SDCCAG8: variants seen among roughly 807,000 people sequenced by gnomAD.
The protein encoded by SDCCAG8 is SHH signaling and ciliogenesis regulator SDCCAG8, also known as serologically defined colon cancer antigen 8.
SDCCAG8 carries 74 observed loss-of-function variants against 101.8 expected under a neutral mutation model. The observed-to-expected ratio is 0.73, with a 90% CI of 0.60 to 0.88. The LOEUF is 0.88. SDCCAG8 is among the 40% of genes least tolerant of loss of function. The pLI, the probability that SDCCAG8 is intolerant of heterozygous loss-of-function variation, is 0.00. For synonymous variants in SDCCAG8, 281 were observed against 292.9 expected (o/e 0.96, Z 0.41); for missense variants, 787 against 822.6 (o/e 0.96, Z 0.53).
chr1:243,371,908 AACTAAATTCTTTATTTTAATTAGC>A (rs1368376349), intron 12 of SDCCAG8, among the ~76,000 whole-genome samples: 1 of 152,170 alleles, frequency 6.6e-6, no homozygotes, highest in Non-Finnish European at 1.5e-5. Context: ...GCAAGTAAGG[AACTAAATTCTTTATTTTAATTAGC>A]TTAAATTTAA....
At chr1:243,435,693 A>T (rs2082081845) in intron 16 of SDCCAG8, among the ~76,000 whole-genome samples, 1 of 152,050 alleles carries the variant, frequency 6.6e-6, no homozygotes, top group Admixed American at 6.6e-5. Context: ...TTGGACCACG[A>T]CTTGGGATAT....
intron 13 of SDCCAG8, among the ~76,000 whole-genome samples, chr1:243,408,247 C>G (rs1034640422): frequency 2.0e-5 from 3 of 152,194 alleles, no homozygotes; most frequent in Non-Finnish European, 4.4e-5. Context: ...GTACCAGGCA[C>G]TATTCCAGAT....
chr1:243,447,646 A>T (rs2083032860), intron 16 of SDCCAG8, among the ~76,000 whole-genome samples: 1 of 152,228 alleles, frequency 6.6e-6, no homozygotes, highest in Non-Finnish European at 1.5e-5. Context: ...TTTGAAAAAA[A>T]GGTTTGCATG....
rs749408405 is a variant in SDCCAG8, at chr1:243,293,426, T to C, written c.675+207T>C. ...CTTTTTGATCATCTCAAACAAAAAG[T>C]CTGGACGTATTAAACAATATCTCCA... On this transcript the variant is annotated intron_variant, in intron 6 of 17. Transcript: ENST00000366541. 1.3e-5 allele frequency: 9 copies of C among 691,136 alleles called. No individual in the cohort carries two copies. The East Asian group carries it at 2.6e-4, about 20-fold the overall frequency. The allele number at this position is 691,136 out of a possible 1,614,324, so 42.8% of individuals were successfully genotyped here. A position where few individuals can be genotyped will look rare whatever the true frequency, so the allele number is the denominator to read the frequency against.
intron 17 of SDCCAG8, among the ~76,000 whole-genome samples, chr1:243,491,265 C>T (rs1044604159): frequency 4.6e-5 from 7 of 152,144 alleles, no homozygotes; most frequent in Non-Finnish European, 7.4e-5. Context: ...TTTCACAAAA[C>T]GCATTAAAAA....
intron 12 of SDCCAG8, among the ~76,000 whole-genome samples, chr1:243,367,624 G>T (rs1279251706): frequency 6.6e-6 from 1 of 151,850 alleles, no homozygotes; most frequent in African/African-American, 2.4e-5. Context: ...GGGAAGAAAG[G>T]AAGGAGTCCC....
chr1:243,432,433 G>A (rs1049290454), intron 16 of SDCCAG8, among the ~76,000 whole-genome samples: 2 of 152,036 alleles, frequency 1.3e-5, no homozygotes, highest in African/African-American at 2.4e-5. Context: ...ATGGGTACTC[G>A]GCTTAATACT....
chr1:243,304,522 C>A (rs1477306157), intron 6 of SDCCAG8, among the ~76,000 whole-genome samples, 191 bp from the exon 7 acceptor site: 1 of 152,062 alleles, frequency 6.6e-6, no homozygotes, highest in African/African-American at 2.4e-5. Flanking sequence ...TATGACTCAG[C>A]GGTTCTTTGC....
intron 16 of SDCCAG8, among the ~76,000 whole-genome samples, chr1:243,452,888 A>T (rs902144540): frequency 6.6e-6 from 1 of 152,226 alleles, no homozygotes; most frequent in African/African-American, 2.4e-5. Flanking sequence ...ATCCTTTAGC[A>T]GCCTCTCAAA....
chr1:243,495,799 T>C (rs369790228), intron 17 of SDCCAG8, among the ~76,000 whole-genome samples: 4 of 152,290 alleles, frequency 2.6e-5, no homozygotes, highest in East Asian at 3.9e-4. Context: ...AGAGCTCACG[T>C]GGCTTATTTC....
intron 13 of SDCCAG8, among the ~76,000 whole-genome samples, chr1:243,402,904 A>C (rs1430723659): frequency 6.6e-6 from 1 of 152,220 alleles, no homozygotes; most frequent in Non-Finnish European, 1.5e-5. Flanking sequence ...AGAGGAAGCT[A>C]CCACTTACTG....
At chr1:243,489,494 G>C (rs947900933) in intron 17 of SDCCAG8, among the ~76,000 whole-genome samples, 73 of 152,326 alleles carry the variant, frequency 4.8e-4, no homozygotes, top group African/African-American at 1.6e-3. Context: ...TGGTGGCCTT[G>C]AGCTGCCTCT....
chr1:243,268,649 A>G (rs1380280100), intron 1 of SDCCAG8, among the ~76,000 whole-genome samples: 1 of 152,268 alleles, frequency 6.6e-6, no homozygotes, highest in African/African-American at 2.4e-5. Context: ...TGCTGCAAGT[A>G]AAGAAACTGT....
chr1:243,283,488 A>C (rs1300279835), intron 4 of SDCCAG8, among the ~76,000 whole-genome samples: 2 of 149,412 alleles, frequency 1.3e-5, no homozygotes, highest in East Asian at 3.9e-4. Context: ...TTCTGTCTTC[A>C]GTTTTTTTCC....
At chr1:243,389,133 C>A (rs1227632361) in intron 13 of SDCCAG8, among the ~76,000 whole-genome samples, 1 of 150,398 alleles carries the variant, frequency 6.6e-6, no homozygotes, top group African/African-American at 2.5e-5. Context: ...GGCGACAGAG[C>A]GAGACTCTGT....
At chr1:243,489,267 C>A in intron 17 of SDCCAG8, 127 bp downstream of exon 17, 2 of 1,286,168 alleles carry the variant, frequency 1.6e-6, no homozygotes, top group Non-Finnish European at 1.1e-6. Context: ...GGAGGGAGGT[C>A]CCGAAGACTG....
At chr1:243,294,184 T>C (rs1255848282) in intron 6 of SDCCAG8, among the ~76,000 whole-genome samples, 4 of 152,186 alleles carry the variant, frequency 2.6e-5, no homozygotes, top group Non-Finnish European at 5.9e-5. Flanking sequence ...TGTTTCCTTG[T>C]ATTCCTTGTT....
chr1:243,312,850 G>T (rs1305287417), intron 8 of SDCCAG8, among the ~76,000 whole-genome samples: 1 of 152,126 alleles, frequency 6.6e-6, no homozygotes, highest in African/African-American at 2.4e-5. Flanking sequence ...AACTATTGAT[G>T]ACATTGGATA....
At chr1:243,295,219 T>A (rs1158988862) in intron 6 of SDCCAG8, among the ~76,000 whole-genome samples, 1 of 152,070 alleles carries the variant, frequency 6.6e-6, no homozygotes, top group Admixed American at 6.5e-5. Context: ...TTCACACTCT[T>A]CTCCTGTCTT....
Sources: gnomAD v4.1 joint callset for allele counts (sites outside exome capture counted in the v4.1 genomes callset) on GRCh38, gnomAD v4.1.1 for gene constraint, MANE v1.5 for transcripts, NCBI Gene and HGNC (gene_info 2026-07-23, HGNC 2026-07-21) for gene names.